The following SRPK2 variants were observed in gnomAD, a reference collection of about 807,000 sequenced individuals.
SRPK2 encodes SRSF protein kinase 2.
SRPK2 carries 21 observed loss-of-function variants against 90.8 expected under a neutral mutation model. That is an observed-to-expected ratio of 0.23 (90% CI 0.16 to 0.33). The LOEUF (loss-of-function observed/expected upper bound fraction) is 0.33. Among genes scored for constraint, SRPK2 ranks in the 10% least tolerant of loss-of-function variants. SRPK2 has a pLI of 1.00. For synonymous variants in SRPK2, 288 were observed against 311.1 expected (o/e 0.93, Z 0.78); for missense variants, 620 against 869.0 (o/e 0.71, Z 3.60).
chr7:105,170,958 AGAAAGAAAGAGAAAGAAAG>A (rs1790978582), intron 3 of SRPK2, among the ~76,000 whole-genome samples: 1 of 39,532 alleles, frequency 2.5e-5, no homozygotes. Flanking sequence ...AAAGAAAGAA[AGAAAGAAAGAGAAAGAAAG>A]AGAAAGAAAG....
intron 2 of SRPK2, among the ~76,000 whole-genome samples, chr7:105,359,822 T>G (rs1209025093): frequency 6.6e-6 from 1 of 152,210 alleles, no homozygotes; most frequent in East Asian, 1.9e-4. Flanking sequence ...TTAGAATAAG[T>G]GCGATGTGGT....
chr7:105,225,728 A>G (rs1400732987), intron 2 of SRPK2, among the ~76,000 whole-genome samples: 1 of 152,184 alleles, frequency 6.6e-6, no homozygotes, highest in East Asian at 1.9e-4. Flanking sequence ...TAGTAAATAA[A>G]TTCAGTAATT....
At chr7:105,341,555 C>T (rs1225033754) in intron 2 of SRPK2, among the ~76,000 whole-genome samples, 1 of 151,992 alleles carries the variant, frequency 6.6e-6, no homozygotes, top group Non-Finnish European at 1.5e-5. Flanking sequence ...CACCTGTAGT[C>T]CCAGCTACTT....
intron 2 of SRPK2, among the ~76,000 whole-genome samples, chr7:105,333,914 T>C (rs969527655): frequency 3.9e-5 from 6 of 152,062 alleles, no homozygotes; most frequent in African/African-American, 1.4e-4. Context: ...GTTTCTGAGT[T>C]TGTTTTTGTT....
intron 2 of SRPK2, among the ~76,000 whole-genome samples, chr7:105,280,730 G>A (rs1408944315): frequency 2.7e-5 from 4 of 149,756 alleles, no homozygotes; most frequent in African/African-American, 9.9e-5. Context: ...GGTGGATCAC[G>A]AGGTCAGGAG....
chr7:105,254,514 C>A (rs1046846250), intron 2 of SRPK2, among the ~76,000 whole-genome samples: 2 of 152,166 alleles, frequency 1.3e-5, no homozygotes, highest in Non-Finnish European at 2.9e-5. Context: ...CAGTTCTATG[C>A]AACCTTTATA....
chr7:105,314,364 T>G (rs763252493), intron 2 of SRPK2, among the ~76,000 whole-genome samples: 7 of 151,804 alleles, frequency 4.6e-5, no homozygotes, highest in Non-Finnish European at 1.0e-4. Flanking sequence ...TCCCAAAGAT[T>G]ACCTGGGCAA....
At chr7:105,397,463 G>A (rs184260316) in intron 1 of SRPK2, among the ~76,000 whole-genome samples, 2 of 151,840 alleles carry the variant, frequency 1.3e-5, no homozygotes, top group East Asian at 1.9e-4. Context: ...CTGAGTAGCG[G>A]GGACTATAGG....
chr7:105,234,459 T>C (rs1799887430), intron 2 of SRPK2, among the ~76,000 whole-genome samples: 1 of 152,160 alleles, frequency 6.6e-6, no homozygotes, highest in African/African-American at 2.4e-5. Context: ...CTAAATACCA[T>C]GAAGACAAAA....
Position 105,247,570 on chromosome 7 carries a change from T to C in SRPK2, c.72-43785A>G, listed in dbSNP as rs76738176. Among the ~76,000 whole-genome samples, 424 of 78,552 alleles carry C rather than the reference T, an allele frequency of 5.4e-3. 11 individuals carry two copies. In the East Asian group the frequency reaches 0.067, roughly 13 times the overall value. 51.5% of individuals were successfully genotyped at this position (78,552 alleles called of 152,430 possible). A position where few individuals can be genotyped will look rare whatever the true frequency, so the allele number is the denominator to read the frequency against. ...CACACACACACACACACAGAAGTTA[T>C]ACCTTTTCTTGGTTTTTAATTGTTC... On this transcript the variant is annotated intron_variant, in intron 2 of 15. Transcript: ENST00000393651.
At chr7:105,173,181 C>T (rs889176724) in intron 3 of SRPK2, among the ~76,000 whole-genome samples, 6 of 151,904 alleles carry the variant, frequency 3.9e-5, no homozygotes, top group Non-Finnish European at 8.8e-5. Flanking sequence ...TAGAGCAGCA[C>T]GAACAGGGCT....
chr7:105,186,466 G>GT (rs1793593036), intron 3 of SRPK2, among the ~76,000 whole-genome samples: 1 of 152,174 alleles, frequency 6.6e-6, no homozygotes, highest in South Asian at 2.1e-4. Context: ...CAGTTTCTAA[G>GT]TTTTTTCACT....
chr7:105,148,124 C>T (rs990508317), intron 7 of SRPK2, among the ~76,000 whole-genome samples: 1 of 152,160 alleles, frequency 6.6e-6, no homozygotes, highest in East Asian at 1.9e-4. Flanking sequence ...ATTCCTATCA[C>T]CAATGTATGA....
At chr7:105,297,144 A>G (rs1392400831) in intron 2 of SRPK2, among the ~76,000 whole-genome samples, 1 of 152,244 alleles carries the variant, frequency 6.6e-6, no homozygotes, top group Non-Finnish European at 1.5e-5. Flanking sequence ...TAAAATTCTC[A>G]AACTGAAATA....
rs371978462 is a variant in SRPK2 at position 105,335,825 on chromosome 7, A to G, written c.71+52823T>C. Among the ~76,000 whole-genome samples the G allele has an allele frequency of 5.1e-3, 779 of 151,894 alleles. 11 individuals carry two copies. The East Asian group carries it at 0.055, about 11-fold the overall frequency. On this transcript the variant is annotated intron_variant, in intron 2 of 15. Coordinates refer to ENST00000393651, the MANE Select transcript of SRPK2 (RefSeq NM_182692.3). ...CAAAAAATTAGCCAAGCGTGGTGGCAGGCACCTGTAATCCCAGCTACTCAG... is the reference window on the plus strand; with the variant it reads ...CAAAAAATTAGCCAAGCGTGGTGGCGGGCACCTGTAATCCCAGCTACTCAG...
At chr7:105,312,346 T>C (rs535438496) in intron 2 of SRPK2, among the ~76,000 whole-genome samples, 25 of 144,726 alleles carry the variant, frequency 1.7e-4, no homozygotes, top group Middle Eastern at 3.8e-3. Context: ...AGGCTGAGAC[T>C]GGAGAATCGT....
At position 105,292,497 on chromosome 7, in the gene SRPK2, C is replaced by CAAAAAAAAAAAAAAAAAAA. The variant is rs397889533; in HGVS notation, c.72-88731_72-88713dup. Among the ~76,000 whole-genome samples the CAAAAAAAAAAAAAAAAAAA allele has an allele frequency of 2.7e-5, 2 of 74,806 alleles. 1 individual carries two copies. 49.1% of individuals were successfully genotyped at this position (74,806 alleles called of 152,430 possible). A position where few individuals can be genotyped will look rare whatever the true frequency, so the allele number is the denominator to read the frequency against. On this transcript the variant is annotated intron_variant, in intron 2 of 15. Transcript: ENST00000393651. ...AGCCTGGGCGATAGAGTAAGACTCT[C>CAAAAAAAAAAAAAAAAAAA]AAAAAAAAAAAAAAAAAAAAAAAAA... is the stretch of plus-strand genomic sequence containing the variant.
rs145225936 is a variant in SRPK2, at chr7:105,361,192, A to G, written c.71+27456T>C. ...ACACCTATATACCAATAACACACAG[A>G]GAGCCAAATCATGAGTGAACTCCCA... On this transcript the variant is annotated intron_variant, in intron 2 of 15. Transcript: ENST00000393651. 1.1e-3 allele frequency among the ~76,000 whole-genome samples: 173 copies of G among 152,312 alleles called. 3 individuals carry two copies. In the East Asian group the frequency reaches 0.029, roughly 26 times the overall value.
chr7:105,115,082 T>C (rs966758144), downstream of SRPK2, among the ~76,000 whole-genome samples: 3 of 152,246 alleles, frequency 2.0e-5, no homozygotes, highest in Admixed American at 6.5e-5. Context: ...TACAGAAATA[T>C]GCATACAGAA....
Sources: allele counts gnomAD v4.1 joint callset (sites outside exome capture counted in the v4.1 genomes callset), GRCh38; gene constraint gnomAD v4.1.1; transcripts MANE v1.5; gene names NCBI Gene and HGNC (gene_info 2026-07-23, HGNC 2026-07-21).